The following DNAJC11 variants were observed in gnomAD, a reference collection of about 807,000 sequenced individuals.
DNAJC11 encodes the protein DnaJ heat shock protein family (Hsp40) member C11.
In DNAJC11, 15 loss-of-function variants were observed where a neutral mutation model predicts 78.6. The ratio of observed to expected loss-of-function variants is 0.19; its 90% CI spans 0.13 to 0.29. The LOEUF is 0.29. Among genes scored for constraint, DNAJC11 ranks in the 10% least tolerant of loss-of-function variants. The pLI is 1.00. For synonymous variants in DNAJC11, 292 were observed against 272.1 expected, an observed-to-expected ratio of 1.07 and a Z score of -0.72; for missense variants, 547 against 709.6, an observed-to-expected ratio of 0.77 and a Z score of 2.60.
At chr1:6,693,207 C>T (rs1482204052) in intron 1 of DNAJC11, among the ~76,000 whole-genome samples, 1 of 152,190 alleles carries the variant, frequency 6.6e-6, no homozygotes, top group Non-Finnish European at 1.5e-5. Flanking sequence ...AGCCACCACA[C>T]CCAACCTCAG....
chr1:6,635,808 G>A lies in DNAJC11; in HGVS notation c.1655-108C>T, dbSNP rs1641755732. 3.0e-6 allele frequency: 4 copies of A among 1,331,438 alleles called. No individual in the cohort carries two copies. In the East Asian group the frequency reaches 9.2e-5, roughly 31 times the overall value. 82.5% of individuals were successfully genotyped at this position (1,331,438 alleles called of 1,614,324 possible). A position where few individuals can be genotyped will look rare whatever the true frequency, so the allele number is the denominator to read the frequency against. Reference sequence around the variant, plus strand: ...CGGACCAGCAGCTGGCTGGGCCCAGGCGAGGCAGAGCACCCGCTGCTGAAA... The same window carrying A: ...CGGACCAGCAGCTGGCTGGGCCCAGACGAGGCAGAGCACCCGCTGCTGAAA... On this transcript the variant is annotated intron_variant, in intron 15 of 15. Coordinates refer to ENST00000377577, the MANE Select transcript of DNAJC11 (RefSeq NM_018198.4).
intron 1 of DNAJC11, among the ~76,000 whole-genome samples, chr1:6,697,756 T>G (rs937308216): frequency 1.3e-5 from 2 of 152,196 alleles, no homozygotes; most frequent in African/African-American, 4.8e-5. Flanking sequence ...ATTCTTCAGC[T>G]GATTGTTGAC....
At position 6,644,543 on chromosome 1, in the gene DNAJC11, C is replaced by T. The variant is rs759476454; in HGVS notation, c.1097+15G>A. 2.5e-5 allele frequency: 40 copies of T among 1,590,326 alleles called. No individual in the cohort carries two copies. The Middle Eastern group carries it at 1.7e-3, about 66-fold the overall frequency. On this transcript the variant is annotated intron_variant, in intron 10 of 15. Coordinates refer to ENST00000377577, the MANE Select transcript of DNAJC11 (RefSeq NM_018198.4). ...ACAGGCATTCCTTGACCCGAAAGGCCTAAGTTCAACTTACTTGACTTTGAG... is the reference window on the plus strand; with the variant it reads ...ACAGGCATTCCTTGACCCGAAAGGCTTAAGTTCAACTTACTTGACTTTGAG...
chr1:6,643,915 G>T (rs556488615), intron 10 of DNAJC11, among the ~76,000 whole-genome samples: 1 of 151,976 alleles, frequency 6.6e-6, no homozygotes, highest in Non-Finnish European at 1.5e-5. Flanking sequence ...CTGTCACCCG[G>T]GCTGGAGTGC....
rs531684542 is a variant in DNAJC11, at chr1:6,680,181, AT to A, written c.202+726del. On this transcript the variant is annotated intron_variant, in intron 2 of 15. Coordinates refer to ENST00000377577, the MANE Select transcript of DNAJC11 (RefSeq NM_018198.4). The surrounding 1 kb of genome is among the most constrained non-coding windows in gnomAD (Gnocchi z 4.0). Reference sequence around the variant, plus strand: ...TTGATGTATATAACAGTGATTTAACATTTTTTTTAATTTAAATTTTAAAAAT... The same window carrying A: ...TTGATGTATATAACAGTGATTTAACATTTTTTTAATTTAAATTTTAAAAAT... 2.6e-5 allele frequency among the ~76,000 whole-genome samples: 4 copies of A among 152,050 alleles called. No homozygotes were observed. The highest frequency in any genetic ancestry group is 6.6e-5 in the Admixed American group (1 of 15,246).
At chr1:6,667,279 G>C (rs1642307963) in intron 4 of DNAJC11, among the ~76,000 whole-genome samples, 1 of 152,136 alleles carries the variant, frequency 6.6e-6, no homozygotes, top group Admixed American at 6.6e-5. Context: ...TATCCTAACG[G>C]GTAAGCAAGG....
chr1:6,677,543 C>T (rs1393951018), intron 3 of DNAJC11, among the ~76,000 whole-genome samples: 1 of 152,230 alleles, frequency 6.6e-6, no homozygotes, highest in Non-Finnish European at 1.5e-5. Flanking sequence ...GTGATCCTCC[C>T]AGCCTGGCTC....
chr1:6,686,560 G>A (rs1293439751), intron 1 of DNAJC11, among the ~76,000 whole-genome samples: 1 of 152,126 alleles, frequency 6.6e-6, no homozygotes, highest in African/African-American at 2.4e-5. Context: ...GGCTCACACT[G>A]GCATTTCAAT....
chr1:6,657,317 C>A (rs1324465842), intron 4 of DNAJC11, among the ~76,000 whole-genome samples: 1 of 152,140 alleles, frequency 6.6e-6, no homozygotes, highest in Non-Finnish European at 1.5e-5. Flanking sequence ...CCTGAGCTGG[C>A]CCGGGGAGAG....
In DNAJC11 at chr1:6,653,721, G is replaced by T; in HGVS notation, c.507+190C>A. On this transcript the variant is annotated intron_variant, in intron 5 of 15. Coordinates refer to ENST00000377577, the MANE Select transcript of DNAJC11 (RefSeq NM_018198.4). The surrounding 1 kb of genome is among the most constrained non-coding windows in gnomAD (Gnocchi z 4.5). Reference sequence around the variant, plus strand: ...AGTGCCCCAGCCCACACTCCTGCTGGCTCACATGCCAGCACAGCGGTAACA... The same window carrying T: ...AGTGCCCCAGCCCACACTCCTGCTGTCTCACATGCCAGCACAGCGGTAACA... The T allele has an allele frequency of 1.5e-6, 1 of 670,400 alleles. No homozygotes were observed. 41.5% of individuals were successfully genotyped at this position (670,400 alleles called of 1,614,324 possible). A position where few individuals can be genotyped will look rare whatever the true frequency, so the allele number is the denominator to read the frequency against.
Position 6,645,699 on chromosome 1 carries a change from G to T in DNAJC11, c.894+90C>A. ...ATGGGCTTAGACTTAGTGGTGATCA[G>T]GACGCAGGATTTAAGGGGAGCACTG... On this transcript the variant is annotated intron_variant, in intron 8 of 15. Coordinates refer to ENST00000377577, the MANE Select transcript of DNAJC11 (RefSeq NM_018198.4). This position sits in a 1 kb window ranked among gnomAD's most constrained non-coding sequence, Gnocchi z 4.1. 1 of 1,452,168 alleles carries T rather than the reference G, an allele frequency of 6.9e-7. No individual in the cohort carries two copies. Among genetic ancestry groups the T allele is most frequent in the Non-Finnish European group, 9.5e-7 (1 of 1,051,564 alleles). 90.0% of individuals were successfully genotyped at this position (1,452,168 alleles called of 1,614,324 possible). A position where few individuals can be genotyped will look rare whatever the true frequency, so the allele number is the denominator to read the frequency against.
chr1:6,679,058 G>A (rs1211852140), intron 2 of DNAJC11, among the ~76,000 whole-genome samples: 1 of 152,206 alleles, frequency 6.6e-6, no homozygotes, highest in Non-Finnish European at 1.5e-5. Flanking sequence ...GGTGCACCAT[G>A]CAGGAAGTGG....
intron 3 of DNAJC11, among the ~76,000 whole-genome samples, chr1:6,677,630 C>T (rs1466058318): frequency 1.3e-5 from 2 of 152,096 alleles, no homozygotes; most frequent in Non-Finnish European, 2.9e-5. Context: ...ACCTATATAT[C>T]CCTGTAGCAA....
At chr1:6,643,579 C>G (rs1475395702) in intron 10 of DNAJC11, among the ~76,000 whole-genome samples, 1 of 152,022 alleles carries the variant, frequency 6.6e-6, no homozygotes, top group East Asian at 1.9e-4. Context: ...CCGGCCAAAA[C>G]CAGACAACTC....
In DNAJC11 at chr1:6,645,905, G is replaced by A. The variant is rs759127830; in HGVS notation, c.778C>T (p.Arg260Trp). 7 of 1,614,192 alleles carry A rather than the reference G, an allele frequency of 4.3e-6. No individual in the cohort carries two copies. Among genetic ancestry groups the A allele is most frequent in the Admixed American group, 1.7e-5 (1 of 60,008 alleles). The change falls in exon 8 of 16, where the codon CGG (arginine) becomes TGG (tryptophan). Residue 260 changes from arginine to tryptophan, a missense_variant. Transcript: ENST00000377577. This position sits in a 1 kb window ranked among gnomAD's most constrained non-coding sequence, Gnocchi z 4.1. ...IRPGLTTVLA[R>W]NLDKNTVGYL... is the part of the protein sequence containing the mutation. Reference sequence around the variant, plus strand: ...CCCACGGTGTTCTTGTCTAGGTTCCGAGCTAGGACAGTGGTCAGGCCGGGT... The same window carrying A: ...CCCACGGTGTTCTTGTCTAGGTTCCAAGCTAGGACAGTGGTCAGGCCGGGT...
chr1:6,650,427 A>G (rs1011532072), intron 7 of DNAJC11, among the ~76,000 whole-genome samples: 1 of 152,092 alleles, frequency 6.6e-6, no homozygotes, highest in African/African-American at 2.4e-5. Context: ...TGAGCCAGGC[A>G]TGTTGGCACA....
chr1:6,693,835 T>A (rs1006744587), intron 1 of DNAJC11, among the ~76,000 whole-genome samples: 1 of 73,992 alleles, frequency 1.4e-5, no homozygotes, highest in African/African-American at 4.0e-5. Flanking sequence ...AGTACCCCCA[T>A]TTTTTTTTTT....
rs918266192 is a variant in DNAJC11 at position 6,684,885 on chromosome 1, T to C, written c.73-3848A>G. On this transcript the variant is annotated intron_variant, in intron 1 of 15. Transcript: ENST00000377577. ...CTGGTTATATTTTCTGGATAGACTA[T>C]ATGTTAGGCCCCAAATTAAGTCCCA... Among the ~76,000 whole-genome samples the C allele has an allele frequency of 4.6e-5, 7 of 152,332 alleles. No homozygotes were observed. The East Asian group carries it at 9.7e-4, about 21-fold the overall frequency.
In DNAJC11 at chr1:6,634,214, C is replaced by T. The variant is rs986088796; in HGVS notation, c.*1461G>A. On this transcript the variant is annotated 3_prime_UTR_variant, in exon 16 of 16. Coordinates refer to ENST00000377577, the MANE Select transcript of DNAJC11 (RefSeq NM_018198.4). ...TTGTGGTGAGTGCCTTCTGTACAGT[C>T]GACTGCAAATGAAACGCAGAGGATG... is the stretch of plus-strand genomic sequence containing the variant. The T allele has an allele frequency of 7.3e-5, 71 of 972,694 alleles. No homozygotes were observed. The African/African-American group carries it at 7.8e-4, about 11-fold the overall frequency. 60.3% of individuals were successfully genotyped at this position (972,694 alleles called of 1,614,324 possible). A position where few individuals can be genotyped will look rare whatever the true frequency, so the allele number is the denominator to read the frequency against.
Sources: gnomAD v4.1 joint callset for allele counts (sites outside exome capture counted in the v4.1 genomes callset) on GRCh38, gnomAD v4.1.1 for gene constraint, Gnocchi (gnomAD v3.1) non-coding constraint, MANE v1.5 for transcripts, NCBI Gene and HGNC (gene_info 2026-07-23, HGNC 2026-07-21) for gene names.